Variants in PCDHGA4 observed in about 807,000 individuals in gnomAD.
PCDHGA4 encodes the protein protocadherin gamma subfamily A, 4.
PCDHGA4 carries 38 observed loss-of-function variants against 54.6 expected under a neutral mutation model. The observed-to-expected ratio is 0.70, with a 90% CI of 0.54 to 0.91. PCDHGA4 has a LOEUF of 0.91. PCDHGA4 is among the 40% of genes least tolerant of loss of function. The pLI is 0.00. For missense variants in PCDHGA4, 1,298 were observed against 1,220.9 expected (o/e 1.06, Z -0.94); for synonymous variants, 511 against 512.9 (o/e 1.00, Z 0.05).
chr5:141,461,595 A>C (rs2099018386), intron 1 of PCDHGA4, among the ~76,000 whole-genome samples: 1 of 152,144 alleles, frequency 6.6e-6, no homozygotes, highest in East Asian at 1.9e-4. Flanking sequence ...TATTTCCATT[A>C]TAATTTAGTT....
rs1332652972 is a variant in PCDHGA4, at chr5:141,432,381, C to T, written c.2515-62426C>T. On this transcript the variant is annotated intron_variant, in intron 1 of 3. Transcript: ENST00000571252. The surrounding 1 kb of genome is among the most constrained non-coding windows in gnomAD (Gnocchi z 6.0). ...ATGGCGCGGGACAACGGGCACCCGCCCCTCAGCAGCAACGTGTCGTTGAGC... is the reference window on the plus strand; with the variant it reads ...ATGGCGCGGGACAACGGGCACCCGCTCCTCAGCAGCAACGTGTCGTTGAGC... 1 of 1,614,256 alleles carries T rather than the reference C, an allele frequency of 6.2e-7. No homozygotes were observed. The highest frequency in any genetic ancestry group is 1.1e-5 in the South Asian group (1 of 91,082).
chr5:141,407,807 T>G (rs916388568), intron 1 of PCDHGA4, among the ~76,000 whole-genome samples: 1 of 152,202 alleles, frequency 6.6e-6, no homozygotes, highest in African/African-American at 2.4e-5. Context: ...CATAGAAATA[T>G]CTACTATAAT....
intron 1 of PCDHGA4, chr5:141,393,085 A>T (rs1350561914): frequency 5.6e-6 from 9 of 1,613,542 alleles, no homozygotes; most frequent in Non-Finnish European, 7.6e-6. Flanking sequence ...GGCAGGATAG[A>T]TCGGGAGGAG....
At chr5:141,400,186 TACCTAG>T (rs1474148355) in intron 1 of PCDHGA4, 1 of 1,614,068 alleles carries the variant, frequency 6.2e-7, no homozygotes, top group Non-Finnish European at 8.5e-7. Flanking sequence ...GCTGCAGTTT[TACCTAG>T]TGGTGGCCTT....
chr5:141,371,138 G>T (rs761615775), intron 1 of PCDHGA4: 2 of 1,613,988 alleles, frequency 1.2e-6, no homozygotes, highest in South Asian at 1.1e-5. Flanking sequence ...ACATGTACAG[G>T]GTCAATGTTG....
chr5:141,398,317 C>G (rs1364315924), intron 1 of PCDHGA4: 1 of 1,349,834 alleles, frequency 7.4e-7, no homozygotes, highest in Non-Finnish European at 1.0e-6. Flanking sequence ...GTTACCGACT[C>G]GAAAACTGCG....
Position 141,489,267 on chromosome 5 carries a change from C to T in PCDHGA4, c.2515-5540C>T, listed in dbSNP as rs370726160. 27 of 1,553,302 alleles carry T rather than the reference C, an allele frequency of 1.7e-5. No individual in the cohort carries two copies. Among genetic ancestry groups the T allele is most frequent in the African/African-American group, 8.2e-5 (6 of 73,324 alleles). ...TGGGGCCCAAGACACTCCCACAGCT[C>T]GCTGGGAAATGGCAAGTGCTGTGCA... On this transcript the variant is annotated intron_variant, in intron 1 of 3. Transcript: ENST00000571252. This position sits in a 1 kb window ranked among gnomAD's most constrained non-coding sequence, Gnocchi z 4.5.
rs746539261 is a variant in PCDHGA4, at chr5:141,415,336, C to A, written c.2514+57715C>A. On this transcript the variant is annotated intron_variant, in intron 1 of 3. Transcript: ENST00000571252. ...CATCGTGCTGCTGGCGCACAGGCTG[C>A]GGCGCTGGCACAAGTCACGCCTGCT... 7 of 1,614,200 alleles carry A rather than the reference C, an allele frequency of 4.3e-6. 1 individual carries two copies. The South Asian group carries it at 7.7e-5, about 18-fold the overall frequency.
At chr5:141,376,381 T>A in intron 1 of PCDHGA4, 2 of 1,613,972 alleles carry the variant, frequency 1.2e-6, no homozygotes, top group Non-Finnish European at 1.7e-6. Flanking sequence ...CGCGTAAGAG[T>A]CATCTGATTT....
intron 1 of PCDHGA4, among the ~76,000 whole-genome samples, chr5:141,457,628 C>T (rs1210673176): frequency 6.6e-6 from 1 of 152,244 alleles, no homozygotes; most frequent in Non-Finnish European, 1.5e-5. Context: ...TAATCTTATA[C>T]TTGGCCTGAT....
chr5:141,384,217 A>G lies in PCDHGA4; in HGVS notation c.2514+26596A>G, dbSNP rs1026607669. 6 of 1,613,776 alleles carry G rather than the reference A, an allele frequency of 3.7e-6. No homozygotes were observed. The African/African-American group carries it at 8.0e-5, about 22-fold the overall frequency. On this transcript the variant is annotated intron_variant, in intron 1 of 3. Coordinates refer to ENST00000571252, the MANE Select transcript of PCDHGA4 (RefSeq NM_018917.4). The stretch of plus-strand genomic sequence containing the variant: ...CTTGTCCAGGGAAACTCACATATTC[A>G]TGCAGGTGGCAGACACCAACGATAA...
At chr5:141,366,042 G>A (rs1221134506) in intron 1 of PCDHGA4, 5 of 1,614,242 alleles carry the variant, frequency 3.1e-6, no homozygotes, top group Non-Finnish European at 4.2e-6. Flanking sequence ...CCCACAGACG[G>A]TTCCACGGGC....
intron 1 of PCDHGA4, among the ~76,000 whole-genome samples, chr5:141,494,039 G>A (rs901795348): frequency 2.0e-5 from 3 of 152,144 alleles, no homozygotes; most frequent in Non-Finnish European, 4.4e-5. Context: ...GACTTAGTTG[G>A]CCCTGCTTGG....
In PCDHGA4 at chr5:141,356,879, C is replaced by G. The variant is rs1760374565; in HGVS notation, c.1772C>G (p.Pro591Arg). The G allele has an allele frequency of 6.2e-7, 1 of 1,614,084 alleles. No individual in the cohort carries two copies. Among genetic ancestry groups the G allele is most frequent in the Admixed American group, 1.7e-5 (1 of 60,012 alleles). The change falls in exon 1 of 4, where the codon CCT (proline) becomes CGT (arginine). Residue 591 changes from proline to arginine, a missense_variant. Coordinates refer to ENST00000571252, the MANE Select transcript of PCDHGA4 (RefSeq NM_018917.4). Reference sequence around the variant, plus strand: ...GTGCTGGACCAGAACGACAATGTCCCTGAGATCCTGTACCCCACCTTCCCT... The same window carrying G: ...GTGCTGGACCAGAACGACAATGTCCGTGAGATCCTGTACCCCACCTTCCCT... ...LFVLDQNDNV[P>R]EILYPTFPTD...
intron 1 of PCDHGA4, among the ~76,000 whole-genome samples, chr5:141,483,648 TTGTGTGTG>T (rs111458813): frequency 6.7e-6 from 1 of 149,592 alleles, no homozygotes; most frequent in Non-Finnish European, 1.5e-5. Flanking sequence ...GGGTGTGTGT[TTGTGTGTG>T]TGTGTGTGTG....
At chr5:141,384,519 G>T in intron 1 of PCDHGA4, 3 of 1,614,220 alleles carry the variant, frequency 1.9e-6, no homozygotes, top group Non-Finnish European at 2.5e-6. Context: ...GCGGGGACCC[G>T]CCTCTCAGCA....
At chr5:141,467,050 G>T (rs6580189) in intron 1 of PCDHGA4, among the ~76,000 whole-genome samples, 42,616 of 146,752 alleles carry the variant, frequency 0.29, 6,868 homozygotes, top group African/African-American at 0.45. Flanking sequence ...ATGAATCAAT[G>T]TTTTCTTTTT....
rs762801084 is a variant in PCDHGA4, at chr5:141,389,853, A to T, written c.2514+32232A>T. 5 of 1,614,050 alleles carry T rather than the reference A, an allele frequency of 3.1e-6. No homozygotes were observed. In the South Asian group the frequency reaches 5.5e-5, roughly 18 times the overall value. On this transcript the variant is annotated intron_variant, in intron 1 of 3. Transcript: ENST00000571252. The stretch of plus-strand genomic sequence containing the variant: ...ACAGCCACCACTCTCGGCCACTGCC[A>T]CGTTGCACCTGGTCTTCGCCGACAG...
intron 1 of PCDHGA4, among the ~76,000 whole-genome samples, chr5:141,452,271 C>A (rs1592214421): frequency 6.6e-6 from 1 of 152,108 alleles, no homozygotes. Flanking sequence ...TTTCTTGAAC[C>A]CTTTCTTACT....
Sources: allele counts gnomAD v4.1 joint callset (sites outside exome capture counted in the v4.1 genomes callset), GRCh38; gene constraint gnomAD v4.1.1; non-coding constraint Gnocchi (gnomAD v3.1); transcripts MANE v1.5; gene names NCBI Gene and HGNC (gene_info 2026-07-23, HGNC 2026-07-21).